Variants in PTPN2 observed in about 807,000 individuals in gnomAD.
PTPN2 encodes the protein protein tyrosine phosphatase non-receptor type 2.
A neutral mutation model predicts 57.3 loss-of-function variants in PTPN2; 19 were observed. That is an observed-to-expected ratio of 0.33 (90% CI 0.23 to 0.49). PTPN2 has a LOEUF of 0.49. Ranked by LOEUF, PTPN2 falls within the 20% of genes least tolerant of loss-of-function variation. The probability of loss-of-function intolerance (pLI) is 0.99; values close to 1 mark genes in which losing one functional copy is unlikely to be tolerated. For missense variants in PTPN2, 358 were observed against 501.1 expected, an observed-to-expected ratio of 0.71 and a Z score of 2.73; for synonymous variants, 153 against 164.9, an observed-to-expected ratio of 0.93 and a Z score of 0.55.
chr18:12,849,545 G>A (rs1227809861), intron 2 of PTPN2, among the ~76,000 whole-genome samples: 2 of 146,132 alleles, frequency 1.4e-5, no homozygotes. Flanking sequence ...AGCAACAAGA[G>A]CGAAACCCTG....
chr18:12,798,655 T>C (rs34418345), intron 8 of PTPN2, among the ~76,000 whole-genome samples: 27,646 of 152,248 alleles, frequency 0.18, 3,098 homozygotes, highest in East Asian at 0.42. Flanking sequence ...CAGTCTATCA[T>C]TGATAGGCAT....
rs886140574 is a variant in PTPN2, at chr18:12,793,475, T to A, written c.*803A>T. 1.0e-6 allele frequency: 1 copy of A among 977,170 alleles called. No individual in the cohort carries two copies. Among genetic ancestry groups the A allele is most frequent in the Non-Finnish European group, 1.2e-6 (1 of 822,008 alleles). 60.5% of individuals were successfully genotyped at this position (977,170 alleles called of 1,614,324 possible). ...ATTTCTTTACAAAGTCTTGACCAAC[T>A]GTTTACCTGACTATCCCAGTAAGGA... On this transcript the variant is annotated 3_prime_UTR_variant, in exon 9 of 9. Transcript: ENST00000309660.
At chr18:12,856,932 C>A (rs9948819) in intron 2 of PTPN2, among the ~76,000 whole-genome samples, 56 of 151,638 alleles carry the variant, frequency 3.7e-4, no homozygotes, top group African/African-American at 1.4e-3. Context: ...TGGTGGTGCA[C>A]ACCTGTAATC....
At chr18:12,883,840 G>T in intron 1 of PTPN2, 1 of 397,910 alleles carries the variant, frequency 2.5e-6, no homozygotes, top group Non-Finnish European at 4.5e-6. Context: ...CTGCGCTTGC[G>T]CTAACCATGA....
At chr18:12,837,357 T>C (rs982171424) in intron 2 of PTPN2, among the ~76,000 whole-genome samples, 1 of 152,176 alleles carries the variant, frequency 6.6e-6, no homozygotes, top group African/African-American at 2.4e-5. Flanking sequence ...AAATAAATTT[T>C]AGCACTGAAC....
intron 1 of PTPN2, among the ~76,000 whole-genome samples, chr18:12,865,255 A>C (rs890866887): frequency 6.6e-6 from 1 of 151,950 alleles, no homozygotes. Context: ...CAACACAGAC[A>C]GACCCCCATC....
downstream of PTPN2, among the ~76,000 whole-genome samples, chr18:12,788,432 C>CA (rs367734578): frequency 1.1e-5 from 1 of 90,110 alleles, no homozygotes; most frequent in Non-Finnish European, 2.0e-5. Flanking sequence ...GGGATCAGGG[C>CA]TTTTTTTTTT....
rs74740921 is a variant in PTPN2 at position 12,813,724 on chromosome 18, C to T, written c.858+479G>A. On this transcript the variant is annotated intron_variant, in intron 7 of 8. Transcript: ENST00000309660. Reference sequence around the variant, plus strand: ...CACAAGTTTCTGATCAGTCTTTGAACTTAGGTTCTACAAATATGCAGTAAA... The same window carrying T: ...CACAAGTTTCTGATCAGTCTTTGAATTTAGGTTCTACAAATATGCAGTAAA... 3.3e-5 allele frequency among the ~76,000 whole-genome samples: 5 copies of T among 152,246 alleles called. 1 individual carries two copies. In the East Asian group the frequency reaches 9.6e-4, roughly 29 times the overall value.
intron 3 of PTPN2, among the ~76,000 whole-genome samples, chr18:12,835,029 A>G (rs1228240885): frequency 6.6e-6 from 1 of 152,148 alleles, no homozygotes; most frequent in Non-Finnish European, 1.5e-5. Flanking sequence ...CTCTGTATGC[A>G]TGGATTTCAC....
At chr18:12,870,183 A>G (rs115900600) in intron 1 of PTPN2, among the ~76,000 whole-genome samples, 227 of 148,400 alleles carry the variant, frequency 1.5e-3, no homozygotes, top group African/African-American at 5.1e-3. Context: ...ACAAATGAGA[A>G]AACAGACTCA....
chr18:12,824,863 A>C (rs1011334382), intron 5 of PTPN2, among the ~76,000 whole-genome samples: 1 of 152,144 alleles, frequency 6.6e-6, no homozygotes, highest in Non-Finnish European at 1.5e-5. Flanking sequence ...AGGTGGGAGG[A>C]TCGCTTGAGC....
intron 2 of PTPN2, among the ~76,000 whole-genome samples, chr18:12,847,368 C>A (rs2043245541): frequency 6.6e-6 from 1 of 152,160 alleles, no homozygotes. Flanking sequence ...CGCTCATGAA[C>A]CCTAGTTCTA....
downstream of PTPN2, chr18:12,792,111 G>T: frequency 3.0e-6 from 2 of 656,714 alleles, no homozygotes; most frequent in Non-Finnish European, 3.8e-6. Context: ...TCCATTTCAA[G>T]GTTACAGGAC....
At chr18:12,860,412 G>A (rs963847121) in intron 1 of PTPN2, among the ~76,000 whole-genome samples, 1 of 151,598 alleles carries the variant, frequency 6.6e-6, no homozygotes, top group Non-Finnish European at 1.5e-5. Flanking sequence ...GCCTGGCCAG[G>A]ATGGTGAAAC....
chr18:12,787,885 C>T (rs115218777), downstream of PTPN2: 1,351 of 154,348 alleles, frequency 8.8e-3, 31 homozygotes, highest in African/African-American at 0.029. Flanking sequence ...GCGCAAGGGC[C>T]GGGTGGGTGT....
chr18:12,795,451 G>A (rs556501469), intron 8 of PTPN2, among the ~76,000 whole-genome samples: 231 of 152,162 alleles, frequency 1.5e-3, no homozygotes, highest in Middle Eastern at 3.4e-3. Flanking sequence ...GCACCACCAC[G>A]CCTGGCTAAT....
chr18:12,857,232 G>A (rs968932766), intron 2 of PTPN2, among the ~76,000 whole-genome samples: 1 of 152,100 alleles, frequency 6.6e-6, no homozygotes, highest in Admixed American at 6.6e-5. Flanking sequence ...CCCCAGAAAG[G>A]CAGTGCAAGT....
At chr18:12,832,939 C>G (rs912938002) in intron 3 of PTPN2, among the ~76,000 whole-genome samples, 1 of 152,158 alleles carries the variant, frequency 6.6e-6, no homozygotes, top group Non-Finnish European at 1.5e-5. Context: ...CAGGCGTGCA[C>G]CACCATGCCA....
At chr18:12,855,841 C>T (rs749832233) in intron 2 of PTPN2, among the ~76,000 whole-genome samples, 5 of 152,118 alleles carry the variant, frequency 3.3e-5, no homozygotes, top group Admixed American at 6.5e-5. Context: ...AATATAAAAA[C>T]AACAAGAAAG....
Sources: gnomAD v4.1 joint callset for allele counts (sites outside exome capture counted in the v4.1 genomes callset) on GRCh38, gnomAD v4.1.1 for gene constraint, MANE v1.5 for transcripts, NCBI Gene and HGNC (gene_info 2026-07-23, HGNC 2026-07-21) for gene names.